MAPK6: variants seen among roughly 807,000 people sequenced by gnomAD.
The protein encoded by MAPK6 is ERK-3.
In MAPK6, 19 loss-of-function variants were observed where a neutral mutation model predicts 59.3. That is an observed-to-expected ratio of 0.32 (90% confidence interval 0.22 to 0.47). The LOEUF (loss-of-function observed/expected upper bound fraction) is 0.47. MAPK6 is among the 20% of genes least tolerant of loss of function. MAPK6 has a pLI of 1.00. For missense variants in MAPK6, 724 were observed against 847.9 expected (o/e 0.85, Z 1.81); for synonymous variants, 316 against 290.3 (o/e 1.09, Z -0.90).
At chr15:52,000,407 T>A (rs1644281752) in intron 2 of MAPK6, among the ~76,000 whole-genome samples, 2 of 152,266 alleles carry the variant, frequency 1.3e-5, no homozygotes, top group South Asian at 4.1e-4. Flanking sequence ...AGCTCTTGCA[T>A]TGACCCATTT....
chr15:52,007,924 G>T (rs1445603895), intron 3 of MAPK6, among the ~76,000 whole-genome samples: 1 of 149,046 alleles, frequency 6.7e-6, no homozygotes, highest in African/African-American at 2.5e-5. Context: ...TTGGCTCACT[G>T]CAACCTCCAC....
intron 1 of MAPK6, among the ~76,000 whole-genome samples, chr15:52,029,154 C>T (rs2030930414): frequency 6.6e-6 from 1 of 152,226 alleles, no homozygotes; most frequent in Admixed American, 6.5e-5. Context: ...TATCCTGCCT[C>T]AGCCTCCCCA....
chr15:52,007,297 C>T (rs1355447168), intron 3 of MAPK6, among the ~76,000 whole-genome samples: 1 of 152,056 alleles, frequency 6.6e-6, no homozygotes, highest in Admixed American at 6.6e-5. Flanking sequence ...GGGAGTCTGT[C>T]CCTGACCCAC....
intron 1 of MAPK6, among the ~76,000 whole-genome samples, chr15:52,038,156 G>GAAA (rs35579384): frequency 0.032 from 4,613 of 145,246 alleles, 163 homozygotes; most frequent in East Asian, 0.076. Context: ...GCTCAAGATT[G>GAAA]AAAAAAAAAA....
At chr15:51,986,435 A>G (rs1327229057) in intron 2 of MAPK6, among the ~76,000 whole-genome samples, 1 of 152,218 alleles carries the variant, frequency 6.6e-6, no homozygotes, top group Non-Finnish European at 1.5e-5. Context: ...CTGAAAGGAC[A>G]TAAGCCAAAA....
At position 52,006,662 on chromosome 15, in the gene MAPK6, A is replaced by G. The variant is rs190625224; in HGVS notation, c.-632+2260A>G. Among the ~76,000 whole-genome samples, 8 of 152,334 alleles carry G rather than the reference A, an allele frequency of 5.3e-5. No individual in the cohort carries two copies. The East Asian group carries it at 1.5e-3, about 29-fold the overall frequency. ...GTACAATCTCTTGAACTTGGTTGGT[A>G]TGTGTTGGTTGCCAGGGGCCAATCA... On this transcript the variant is annotated intron_variant, in intron 3 of 7. Transcript: ENST00000691380.
chr15:52,002,239 C>A (rs1482230524), intron 2 of MAPK6, among the ~76,000 whole-genome samples: 1 of 152,160 alleles, frequency 6.6e-6, no homozygotes, highest in Non-Finnish European at 1.5e-5. Context: ...ATTGCTTGAG[C>A]TAATACATTC....
chr15:52,063,300 T>C (rs1183485185), intron 5 of MAPK6, among the ~76,000 whole-genome samples: 1 of 152,236 alleles, frequency 6.6e-6, no homozygotes, highest in Non-Finnish European at 1.5e-5. Flanking sequence ...TGACCTCAAG[T>C]GATCCATCCA....
chr15:52,034,611 GT>G (rs2031174101), intron 1 of MAPK6, among the ~76,000 whole-genome samples: 1 of 151,726 alleles, frequency 6.6e-6, no homozygotes, highest in Non-Finnish European at 1.5e-5. Context: ...CTGGCGAAGA[GT>G]TGTTCTTTCT....
At chr15:52,041,995 C>T (rs2031436818) in intron 1 of MAPK6, among the ~76,000 whole-genome samples, 1 of 152,190 alleles carries the variant, frequency 6.6e-6, no homozygotes. Context: ...ATCCCCATTG[C>T]CAAGAGATTG....
chr15:52,025,746 C>T (rs1477460593), intron 1 of MAPK6, among the ~76,000 whole-genome samples: 1 of 151,946 alleles, frequency 6.6e-6, no homozygotes, highest in Non-Finnish European at 1.5e-5. Flanking sequence ...GCAGTGAGCG[C>T]CACTGCACTC....
upstream of MAPK6, chr15:52,017,530 T>A (rs1182059756): frequency 6.6e-6 from 1 of 152,542 alleles, no homozygotes; most frequent in Admixed American, 6.5e-5. Context: ...TCAGGTCATC[T>A]GGATGTATAT....
At chr15:52,047,244 G>A (rs2031621376) in intron 2 of MAPK6, among the ~76,000 whole-genome samples, 1 of 151,974 alleles carries the variant, frequency 6.6e-6, no homozygotes, top group African/African-American at 2.4e-5. Flanking sequence ...TAAAGTGTAT[G>A]GTTATTTATT....
At chr15:52,049,586 C>A (rs938732858) in intron 2 of MAPK6, among the ~76,000 whole-genome samples, 30 of 151,482 alleles carry the variant, frequency 2.0e-4, no homozygotes, top group Non-Finnish European at 5.9e-5. Context: ...CCTCGGCCTC[C>A]CAAAGTGCTG....
chr15:52,024,899 TTTTA>T lies in MAPK6; in HGVS notation c.-632+5524_-632+5527del, dbSNP rs1237244608. ...CTGCCTTTTTTTTTTTTTTTTTTTT[TTTTA>T]AGAATTGGAGTCTCACTGTGTTGCC... is the stretch of plus-strand genomic sequence containing the variant. On this transcript the variant is annotated intron_variant, in intron 1 of 5. Transcript: ENST00000261845. Among the ~76,000 whole-genome samples the T allele has an allele frequency of 2.8e-4, 41 of 147,924 alleles. 4 individuals carry two copies. The highest frequency in any genetic ancestry group is 1.7e-3 in the South Asian group (8 of 4,682).
chr15:52,034,496 G>C (rs2031168243), intron 1 of MAPK6, among the ~76,000 whole-genome samples: 1 of 151,820 alleles, frequency 6.6e-6, no homozygotes, highest in South Asian at 2.1e-4. Flanking sequence ...TTTTTGTAGA[G>C]ACGGGGTTTC....
In MAPK6 at chr15:52,048,365, T is replaced by C. The variant is rs535122465; in HGVS notation, c.555+1350T>C. 7.9e-5 allele frequency among the ~76,000 whole-genome samples: 12 copies of C among 152,274 alleles called. No individual in the cohort carries two copies. In the East Asian group the frequency reaches 2.3e-3, roughly 29 times the overall value. On this transcript the variant is annotated intron_variant, in intron 2 of 5. Transcript: ENST00000261845. Reference sequence around the variant, plus strand: ...CAGGTACAGTGGCTCACACCTGTAATCTCAGCACTTTGGGAGGCTGAGGCA... The same window carrying C: ...CAGGTACAGTGGCTCACACCTGTAACCTCAGCACTTTGGGAGGCTGAGGCA...
At position 52,011,682 on chromosome 15, in the gene MAPK6, T is replaced by C. The variant is rs992855192; in HGVS notation, c.-632+7280T>C. ...CCTTGTATTTCCCCTAGGAGCAGGG[T>C]TCAGTTTTCACTAATTTACTGTTCA... On this transcript the variant is annotated intron_variant, in intron 3 of 7. Transcript: ENST00000691380. Among the ~76,000 whole-genome samples, 5 of 152,186 alleles carry C rather than the reference T, an allele frequency of 3.3e-5. No individual in the cohort carries two copies. In the South Asian group the frequency reaches 8.3e-4, roughly 25 times the overall value.
At chr15:52,016,954 G>A (rs1250917239), upstream of MAPK6, among the ~76,000 whole-genome samples, 1 of 152,158 alleles carries the variant, frequency 6.6e-6, no homozygotes, top group Non-Finnish European at 1.5e-5. Flanking sequence ...TGAGGCGGGG[G>A]AATCGCTTGA....
Sources: allele counts gnomAD v4.1 joint callset (sites outside exome capture counted in the v4.1 genomes callset), GRCh38; gene constraint gnomAD v4.1.1; transcripts MANE v1.5; gene names NCBI Gene and HGNC (gene_info 2026-07-23, HGNC 2026-07-21).